Variants in DSCAML1 observed in about 807,000 individuals in gnomAD.
The protein encoded by DSCAML1 is cell adhesion molecule DSCAML1.
DSCAML1 carries 38 observed loss-of-function variants against 200.5 expected under a neutral mutation model. That is an observed-to-expected ratio of 0.19 (90% CI 0.15 to 0.25). The LOEUF is 0.25. Ranked by LOEUF, DSCAML1 falls within the 10% of genes least tolerant of loss-of-function variation. DSCAML1 has a pLI of 1.00. For missense variants in DSCAML1, 2,223 were observed against 2,858.8 expected, an observed-to-expected ratio of 0.78 and a Z score of 5.07; for synonymous variants, 1,215 against 1,165.0, an observed-to-expected ratio of 1.04 and a Z score of -0.87.
At chr11:117,499,684 C>A (rs1417982110) in intron 11 of DSCAML1, among the ~76,000 whole-genome samples, 1 of 152,204 alleles carries the variant, frequency 6.6e-6, no homozygotes, top group Non-Finnish European at 1.5e-5. Flanking sequence ...AAATGCTGTA[C>A]ATGCAGGCGG....
chr11:117,712,775 G>A (rs116043872), intron 3 of DSCAML1, among the ~76,000 whole-genome samples: 401 of 152,012 alleles, frequency 2.6e-3, no homozygotes, highest in African/African-American at 9.0e-3. Flanking sequence ...AGTGACGACC[G>A]TTCTCGCCAG....
At chr11:117,476,041 G>C (rs2048785242) in intron 14 of DSCAML1, among the ~76,000 whole-genome samples, 1 of 152,136 alleles carries the variant, frequency 6.6e-6, no homozygotes, top group Non-Finnish European at 1.5e-5. Flanking sequence ...TACTGAGCTG[G>C]CTTTGGTGAA....
intron 3 of DSCAML1, among the ~76,000 whole-genome samples, chr11:117,695,450 G>A (rs2053574240): frequency 6.6e-6 from 1 of 151,840 alleles, no homozygotes; most frequent in African/African-American, 2.4e-5. Context: ...AGTGTTCCGG[G>A]GGTGGTTAGA....
chr11:117,755,546 C>T (rs2054674288), intron 3 of DSCAML1, among the ~76,000 whole-genome samples: 1 of 152,224 alleles, frequency 6.6e-6, no homozygotes, highest in East Asian at 1.9e-4. Context: ...AGCTTCCTTC[C>T]CTGGGAAGAT....
intron 3 of DSCAML1, among the ~76,000 whole-genome samples, chr11:117,618,888 C>A (rs914910611): frequency 6.6e-6 from 1 of 152,160 alleles, no homozygotes; most frequent in African/African-American, 2.4e-5. Flanking sequence ...AGTGCCACTA[C>A]CGCTCACTGG....
chr11:117,505,357 C>G lies in DSCAML1; in HGVS notation c.2062+97G>C. 2 of 1,499,550 alleles carry G rather than the reference C, an allele frequency of 1.3e-6. No homozygotes were observed. The highest frequency in any genetic ancestry group is 1.3e-5 in the South Asian group (1 of 78,970). The allele number at this position is 1,499,550 out of a possible 1,614,324, so 92.9% of individuals were successfully genotyped here. Reference sequence around the variant, plus strand: ...CCTTCAAGATGCTGGAGCCCACCTTCCATGAGCCCGTGATTGGAACTGGAA... The same window carrying G: ...CCTTCAAGATGCTGGAGCCCACCTTGCATGAGCCCGTGATTGGAACTGGAA... On this transcript the variant is annotated intron_variant, in intron 9 of 32. Transcript: ENST00000651296. This position sits in a 1 kb window ranked among gnomAD's most constrained non-coding sequence, Gnocchi z 6.7.
intron 3 of DSCAML1, among the ~76,000 whole-genome samples, chr11:117,736,055 T>C (rs986901367): frequency 1.3e-5 from 2 of 152,152 alleles, no homozygotes; most frequent in Non-Finnish European, 2.9e-5. Flanking sequence ...GCTGTATTCA[T>C]TATCTACTGC....
At position 117,524,999 on chromosome 11, in the gene DSCAML1, G is replaced by A. The variant is rs1223410225; in HGVS notation, c.743C>T (p.Thr248Ile). 4 of 1,610,618 alleles carry A rather than the reference G, an allele frequency of 2.5e-6. No homozygotes were observed. Among genetic ancestry groups the A allele is most frequent in the Non-Finnish European group, 3.4e-6 (4 of 1,178,976 alleles). The part of the protein sequence containing the change: ...WAGHTVELPC[T>I]ASGYPIPAIR... ...GGCGGGGATAGGGTAGCCCGAGGCG[G>A]TGCAGGGCAGCTCCACGGTGTGGCC... The change falls in exon 5 of 33, where the codon ACC (threonine) becomes ATC (isoleucine). Residue 248 changes from threonine to isoleucine, a missense_variant. Physicochemically the swap from Thr to Ile is moderately conservative, Grantham distance 89. Coordinates refer to ENST00000651296, the MANE Select transcript of DSCAML1 (RefSeq NM_020693.4).
intron 3 of DSCAML1, among the ~76,000 whole-genome samples, chr11:117,630,606 A>ACAGGGCCCT (rs2052150284): frequency 6.8e-6 from 1 of 147,626 alleles, no homozygotes. Flanking sequence ...CTGTGAAGTC[A>ACAGGGCCCT]GAACAGGTGT....
intron 3 of DSCAML1, among the ~76,000 whole-genome samples, chr11:117,694,201 G>C (rs1034083440): frequency 6.6e-6 from 1 of 151,526 alleles, no homozygotes. Flanking sequence ...TCAGGAGTTC[G>C]AGACCAGCCT....
At chr11:117,774,481 G>C (rs1243818367) in intron 3 of DSCAML1, among the ~76,000 whole-genome samples, 1 of 152,178 alleles carries the variant, frequency 6.6e-6, no homozygotes, top group Admixed American at 6.5e-5. Context: ...CGAACCCTAT[G>C]AGTCCATTTT....
In DSCAML1 at chr11:117,428,402, T is replaced by C. The variant is rs1322127255; in HGVS notation, c.6088A>G (p.Met2030Val). 2 of 1,573,816 alleles carry C rather than the reference T, an allele frequency of 1.3e-6. No individual in the cohort carries two copies. The highest frequency in any genetic ancestry group is 2.1e-5 in the Admixed American group (1 of 48,406). Residue 2030 changes from methionine (M) to valine (V), a missense_variant, in exon 33 of 33, where the codon ATG (methionine) becomes GTG (valine). By Grantham distance (21) the Met-to-Val change is conservative. Around this residue, in one of 7 missense-constraint regions of DSCAML1, gnomAD observed 280 missense variants for 213.4 expected, o/e 1.31. Coordinates refer to ENST00000651296, the MANE Select transcript of DSCAML1 (RefSeq NM_020693.4). ...GACCTCCCTACCCCCGATGTGCTCA[T>C]CTCGAGAAGCGAGTCCCTGGAGCCC... ...MGGSRDSLLE[M>V]STSGVGRSQK... is the part of the protein sequence containing the mutation.
Position 117,471,988 on chromosome 11 carries a change from T to C in DSCAML1, c.2834A>G (p.Asn945Ser). Residue 945 changes from asparagine to serine, a missense_variant, in exon 15 of 33, where the codon AAC becomes AGC. This residue lies in a region of DSCAML1 where 438 missense variants were observed against 629.7 expected (regional missense o/e 0.70). Transcript: ENST00000651296. ...QSTRNISPTI[N>S]QANIVDLHPA... ...GTGCAAGTCCACAATGTTGGCCTGGTTGATGGTGGGGGAGATGTTGCGTGT... is the reference window on the plus strand; with the variant it reads ...GTGCAAGTCCACAATGTTGGCCTGGCTGATGGTGGGGGAGATGTTGCGTGT... 2 of 1,614,126 alleles carry C rather than the reference T, an allele frequency of 1.2e-6. No homozygotes were observed. The highest frequency in any genetic ancestry group is 1.1e-5 in the South Asian group (1 of 91,056).
chr11:117,634,767 C>G (rs956998794), intron 3 of DSCAML1, among the ~76,000 whole-genome samples: 1 of 152,158 alleles, frequency 6.6e-6, no homozygotes, highest in Non-Finnish European at 1.5e-5. Context: ...CCCTACTCCT[C>G]GAGGCTGCGG....
chr11:117,718,668 A>ACCC (rs60879756), intron 3 of DSCAML1, among the ~76,000 whole-genome samples: 3 of 25,832 alleles, frequency 1.2e-4, no homozygotes, highest in Non-Finnish European at 2.8e-4. Context: ...AATACTCAAA[A>ACCC]CCCCCCCCCC....
intron 1 of DSCAML1, among the ~76,000 whole-genome samples, chr11:117,811,486 G>T (rs994102126): frequency 1.3e-5 from 2 of 152,192 alleles, no homozygotes; most frequent in African/African-American, 4.8e-5. Context: ...CAGCACACAA[G>T]AACTTCCAAA....
chr11:117,588,842 C>T (rs1045155938), intron 3 of DSCAML1, among the ~76,000 whole-genome samples: 21 of 152,210 alleles, frequency 1.4e-4, no homozygotes, highest in African/African-American at 4.6e-4. Flanking sequence ...CCCCTCCCTG[C>T]CTTCCTGCCC....
intron 11 of DSCAML1, among the ~76,000 whole-genome samples, chr11:117,484,025 C>G (rs1002869158): frequency 1.5e-5 from 2 of 135,062 alleles, no homozygotes; most frequent in African/African-American, 5.4e-5. Context: ...TCCCTGCCCG[C>G]CCCCCGCCCC....
chr11:117,663,090 C>T (rs928133585), intron 3 of DSCAML1, among the ~76,000 whole-genome samples: 1 of 152,158 alleles, frequency 6.6e-6, no homozygotes, highest in Non-Finnish European at 1.5e-5. Flanking sequence ...ACGCTGAGGC[C>T]CAGAGCAGCA....
Sources: gnomAD v4.1 joint callset for allele counts (sites outside exome capture counted in the v4.1 genomes callset) on GRCh38, gnomAD v4.1.1 for gene constraint, gnomAD v4.1.1 regional missense constraint, Gnocchi (gnomAD v3.1) non-coding constraint, MANE v1.5 for transcripts, NCBI Gene and HGNC (gene_info 2026-07-23, HGNC 2026-07-21) for gene names.